SYT10: variants seen among roughly 807,000 people sequenced by gnomAD.
SYT10 encodes the protein synaptotagmin-10.
Under a neutral mutation model 51.1 loss-of-function variants are expected in SYT10, and 31 were observed. The observed-to-expected ratio is 0.61, with a 90% CI of 0.46 to 0.82. The LOEUF (loss-of-function observed/expected upper bound fraction) is 0.82, where lower values mean the gene tolerates loss of function less well. SYT10 is among the 40% of genes least tolerant of loss of function. SYT10 has a pLI of 0.00. For synonymous variants in SYT10, 233 were observed against 225.9 expected (o/e 1.03, Z -0.28); for missense variants, 603 against 634.0 (o/e 0.95, Z 0.53).
chr12:33,381,695 G>A (rs886941171), intron 5 of SYT10, among the ~76,000 whole-genome samples: 1 of 152,112 alleles, frequency 6.6e-6, no homozygotes, highest in African/African-American at 2.4e-5. Context: ...GAGTGGGAGG[G>A]CAAAGGTAAG....
intron 2 of SYT10, 33 bp from the exon 3 acceptor site, chr12:33,407,389 A>C (rs1309972337): frequency 6.3e-7 from 1 of 1,584,896 alleles, no homozygotes; most frequent in Non-Finnish European, 8.5e-7. Flanking sequence ...AAAATCATTG[A>C]GGGAGATCAT....
intron 3 of SYT10, among the ~76,000 whole-genome samples, chr12:33,397,459 G>C (rs947678284): frequency 1.3e-5 from 2 of 152,174 alleles, no homozygotes; most frequent in Non-Finnish European, 2.9e-5. Context: ...GACAGCCTGA[G>C]GTTTTCTTGC....
rs902980238 is a variant in SYT10, at chr12:33,401,504, GA to G, written c.1077+5284del. On this transcript the variant is annotated intron_variant, in intron 3 of 6. Coordinates refer to ENST00000228567, the MANE Select transcript of SYT10 (RefSeq NM_198992.4). ...AATTTCAAAACAATTGCTACTTCCT[GA>G]AAAATATTAATCCTTCATATATAAT... Among the ~76,000 whole-genome samples, 59 of 151,992 alleles carry G rather than the reference GA, an allele frequency of 3.9e-4. 1 individual carries two copies. The highest frequency in any genetic ancestry group is 3.2e-3 in the Middle Eastern group (1 of 316).
intron 2 of SYT10, among the ~76,000 whole-genome samples, chr12:33,419,781 C>G (rs1866485653): frequency 6.6e-6 from 1 of 152,160 alleles, no homozygotes; most frequent in South Asian, 2.1e-4. Context: ...TTGGAAAATA[C>G]TTCTTCATAG....
intron 4 of SYT10, among the ~76,000 whole-genome samples, chr12:33,384,030 A>G (rs896583188): frequency 3.9e-5 from 6 of 152,120 alleles, no homozygotes; most frequent in South Asian, 2.1e-4. Context: ...TACTTGTTCT[A>G]CTTTCACATA....
intron 2 of SYT10, among the ~76,000 whole-genome samples, chr12:33,409,733 T>G (rs1866390115): frequency 6.6e-6 from 1 of 152,110 alleles, no homozygotes; most frequent in Non-Finnish European, 1.5e-5. Flanking sequence ...GCCAGGATGG[T>G]CTCGATCTCC....
intron 1 of SYT10, among the ~76,000 whole-genome samples, chr12:33,433,847 G>A (rs1193904626): frequency 7.9e-5 from 12 of 152,046 alleles, no homozygotes; most frequent in Admixed American, 7.2e-4. Flanking sequence ...CGCCAAGGAC[G>A]CCCCCAGAAT....
intron 1 of SYT10, among the ~76,000 whole-genome samples, chr12:33,436,341 G>A (rs931253787): frequency 2.6e-5 from 4 of 151,974 alleles, no homozygotes; most frequent in South Asian, 2.1e-4. Flanking sequence ...TATCTATTTC[G>A]GGAGAAAGAG....
In SYT10 at chr12:33,439,547, C is replaced by CT. The variant is rs746474987; in HGVS notation, c.-26dup. The CT allele has an allele frequency of 1.4e-5, 23 of 1,609,592 alleles. No individual in the cohort carries two copies. The highest frequency in any genetic ancestry group is 9.0e-5 in the East Asian group (4 of 44,682). ...TCGTTTGGCTTTTCTTTCGTTTTCTCTTTTTTTCCCAGTTAGCCGTCTTTT... is the reference window on the plus strand; with the variant it reads ...TCGTTTGGCTTTTCTTTCGTTTTCTCTTTTTTTTCCCAGTTAGCCGTCTTTT... On this transcript the variant is annotated 5_prime_UTR_variant, in exon 1 of 7. Coordinates refer to ENST00000228567, the MANE Select transcript of SYT10 (RefSeq NM_198992.4).
chr12:33,397,769 A>G (rs1866269361), intron 3 of SYT10, among the ~76,000 whole-genome samples: 1 of 152,030 alleles, frequency 6.6e-6, no homozygotes, highest in Non-Finnish European at 1.5e-5. Context: ...CCTTGGGAGA[A>G]GTCTGACTCT....
intron 1 of SYT10, among the ~76,000 whole-genome samples, chr12:33,437,796 C>T (rs1282718670): frequency 6.6e-6 from 1 of 152,078 alleles, no homozygotes; most frequent in South Asian, 2.1e-4. Context: ...CTATTCTGGT[C>T]TTTACCTCAT....
intron 3 of SYT10, chr12:33,405,475 C>T (rs1026422829): frequency 6.6e-6 from 1 of 151,890 alleles, no homozygotes; most frequent in Non-Finnish European, 1.5e-5. Context: ...AATCCAACAA[C>T]CAAAAATGTT....
At chr12:33,391,002 T>C (rs1866201127) in intron 3 of SYT10, among the ~76,000 whole-genome samples, 1 of 152,190 alleles carries the variant, frequency 6.6e-6, no homozygotes, top group Non-Finnish European at 1.5e-5. Context: ...GCGGGCAAGA[T>C]CTCAGCTCAC....
chr12:33,398,765 C>T (rs949693197), intron 3 of SYT10, among the ~76,000 whole-genome samples: 1 of 152,094 alleles, frequency 6.6e-6, no homozygotes, highest in African/African-American at 2.4e-5. Flanking sequence ...ATATATGGAA[C>T]ATTTACAAAT....
intron 2 of SYT10, among the ~76,000 whole-genome samples, chr12:33,414,469 C>A (rs557777051): frequency 9.0e-4 from 137 of 152,258 alleles, no homozygotes; most frequent in African/African-American, 3.2e-3. Context: ...CAGAAATTAT[C>A]ACAAACTGTC....
chr12:33,409,682 T>A (rs2138418217), intron 2 of SYT10, among the ~76,000 whole-genome samples: 1 of 151,660 alleles, frequency 6.6e-6, no homozygotes, highest in Admixed American at 6.6e-5. Context: ...CCCGGCTAAT[T>A]TTTTGGTATT....
rs567047744 is a variant in SYT10 at position 33,430,462 on chromosome 12, C to T, written c.152-3967G>A. Among the ~76,000 whole-genome samples the T allele has an allele frequency of 2.9e-4, 44 of 152,280 alleles. No individual in the cohort carries two copies. In the South Asian group the frequency reaches 8.9e-3, roughly 31 times the overall value. ...TTATAAATACTGCTAGGTCCAATTA[C>T]CTACTACCCATGCAGCTAACATGAT... On this transcript the variant is annotated intron_variant, in intron 1 of 6. Coordinates refer to ENST00000228567, the MANE Select transcript of SYT10 (RefSeq NM_198992.4).
intron 2 of SYT10, among the ~76,000 whole-genome samples, chr12:33,412,962 A>C (rs1866420620): frequency 6.6e-6 from 1 of 152,214 alleles, no homozygotes; most frequent in Non-Finnish European, 1.5e-5. Flanking sequence ...GGCTAACTAG[A>C]ATAACCAGTG....
intron 3 of SYT10, among the ~76,000 whole-genome samples, chr12:33,389,284 A>T (rs2138392884): frequency 6.6e-6 from 1 of 152,286 alleles, no homozygotes; most frequent in South Asian, 2.1e-4. Flanking sequence ...GGGTCAAAAA[A>T]ACTGGAGTTA....
Sources: allele counts gnomAD v4.1 joint callset (sites outside exome capture counted in the v4.1 genomes callset), GRCh38; gene constraint gnomAD v4.1.1; transcripts MANE v1.5; gene names NCBI Gene and HGNC (gene_info 2026-07-23, HGNC 2026-07-21).